FSD2: variants seen among roughly 807,000 people sequenced by gnomAD.
The protein encoded by FSD2 is fibronectin type III and SPRY domain-containing protein 2.
FSD2 carries 71 observed loss-of-function variants against 80.4 expected under a neutral mutation model. The observed-to-expected ratio is 0.88, with a 90% CI of 0.73 to 1.08. The LOEUF (loss-of-function observed/expected upper bound fraction) is 1.08, where lower values mean the gene tolerates loss of function less well. Ranked by LOEUF, FSD2 falls within the 50% of genes least tolerant of loss-of-function variation. The pLI, the probability that FSD2 is intolerant of heterozygous loss-of-function variation, is 0.00. For synonymous variants in FSD2, 361 were observed against 329.5 expected, an observed-to-expected ratio of 1.10 and a Z score of -1.03; for missense variants, 923 against 913.8, an observed-to-expected ratio of 1.01 and a Z score of -0.13.
rs539363162 is a variant in FSD2 at position 82,780,813 on chromosome 15, G to C, written c.967-546C>G. ...TTGGAAATTAGGAAAAAGTTAAAAA[G>C]CCCAGCTGTATCCCATACCGTAACA... On this transcript the variant is annotated intron_variant, in intron 4 of 12. Coordinates refer to ENST00000334574, the MANE Select transcript of FSD2 (RefSeq NM_001007122.4). Among the ~76,000 whole-genome samples the C allele has an allele frequency of 1.1e-4, 17 of 152,058 alleles. No homozygotes were observed. In the East Asian group the frequency reaches 3.3e-3, roughly 29 times the overall value.
At position 82,759,468 on chromosome 15, in the gene FSD2, A is replaced by T; in HGVS notation, c.2130T>A (p.His710Gln). ...GAAGCTGACAACTAAATGTATATAG[A>T]TGCTGAGAAAGGTCCACATTGAAAA... Reference protein sequence around the residue: ...LSFFNVDLSQHLYTFSCQLHE... With the variant: ...LSFFNVDLSQQLYTFSCQLHE... Residue 710 changes from histidine (H) to glutamine (Q), a missense_variant, in exon 13 of 13, where the codon CAT becomes CAA. By Grantham distance (24) the His-to-Gln change is conservative. Transcript: ENST00000334574. 6.2e-7 allele frequency: 1 copy of T among 1,613,590 alleles called. No individual in the cohort carries two copies. Among genetic ancestry groups the T allele is most frequent in the Non-Finnish European group, 8.5e-7 (1 of 1,179,710 alleles).
intron 6 of FSD2, among the ~76,000 whole-genome samples, chr15:82,775,184 G>A (rs1417152861): frequency 5.3e-5 from 8 of 151,168 alleles, no homozygotes; most frequent in South Asian, 2.1e-4. Context: ...GGGTCACGAG[G>A]TCAGGAGTTT....
intron 7 of FSD2, among the ~76,000 whole-genome samples, chr15:82,770,531 C>T (rs577762250): frequency 3.9e-5 from 6 of 152,186 alleles, no homozygotes; most frequent in African/African-American, 1.2e-4. Flanking sequence ...ATTAGCTGGG[C>T]GTGGTGGCAT....
chr15:82,771,961 G>A lies in FSD2; in HGVS notation c.1267+112C>T, dbSNP rs2049586778. The A allele has an allele frequency of 6.1e-6, 7 of 1,143,208 alleles. No individual in the cohort carries two copies. In the South Asian group the frequency reaches 1.2e-4, roughly 20 times the overall value. The allele number at this position is 1,143,208 out of a possible 1,614,324, so 70.8% of individuals were successfully genotyped here. A position where few individuals can be genotyped will look rare whatever the true frequency, so the allele number is the denominator to read the frequency against. Reference sequence around the variant, plus strand: ...CCTGCCTGCATCCAATCCTCTGCATGTCTAGACCCATCCTGTCTCTACCAT... The same window carrying A: ...CCTGCCTGCATCCAATCCTCTGCATATCTAGACCCATCCTGTCTCTACCAT... On this transcript the variant is annotated intron_variant, in intron 7 of 12. Transcript: ENST00000334574.
chr15:82,766,032 C>G lies in FSD2; in HGVS notation c.1554-1G>C, dbSNP rs1029303539. 1 of 1,579,984 alleles carries G rather than the reference C, an allele frequency of 6.3e-7. No homozygotes were observed. On this transcript the variant is annotated splice_acceptor_variant, in intron 9 of 12. Transcript: ENST00000334574. LOFTEE classifies it high-confidence loss of function. ...GCAGGTCGGGATGCCCACAACAGAC[C>G]TGTACAAGGAAGCAGAGCTGCAGTC...
chr15:82,800,868 T>C (rs1389956187), intron 1 of FSD2, among the ~76,000 whole-genome samples: 4 of 152,072 alleles, frequency 2.6e-5, no homozygotes, highest in Non-Finnish European at 4.4e-5. Flanking sequence ...CTCCAACCTA[T>C]AGTTACCCCT....
intron 11 of FSD2, among the ~76,000 whole-genome samples, chr15:82,764,682 T>G (rs2049371269): frequency 6.6e-6 from 1 of 151,974 alleles, no homozygotes; most frequent in African/African-American, 2.4e-5. Context: ...TTCAGCATGT[T>G]GACCAAGCTG....
chr15:82,765,140 G>C (rs749386603), intron 11 of FSD2, 26 bp downstream of exon 11: 8 of 1,569,858 alleles, frequency 5.1e-6, no homozygotes. Context: ...TTCACAGAAC[G>C]CCCTTGTGAG....
intron 1 of FSD2, among the ~76,000 whole-genome samples, chr15:82,795,200 CGTGT>C (rs2050236047): frequency 1.3e-5 from 2 of 152,032 alleles, no homozygotes; most frequent in African/African-American, 4.8e-5. Context: ...TTGAATCTAA[CGTGT>C]GTATCTTGTA....
In FSD2 at chr15:82,756,285, G is replaced by A. The variant is rs1429109795; in HGVS notation, c.*3063C>T. 5.1e-6 allele frequency: 1 copy of A among 197,102 alleles called. No homozygotes were observed. Among genetic ancestry groups the A allele is most frequent in the African/African-American group, 2.3e-5 (1 of 43,170 alleles). 12.2% of individuals were successfully genotyped at this position (197,102 alleles called of 1,614,324 possible). A position where few individuals can be genotyped will look rare whatever the true frequency, so the allele number is the denominator to read the frequency against. On this transcript the variant is annotated 3_prime_UTR_variant, in exon 13 of 13. Coordinates refer to ENST00000334574, the MANE Select transcript of FSD2 (RefSeq NM_001007122.4). ...TGAACCGCCTTGCATCAAGACCAAT[G>A]TAGTCTTATTTACAGAATGCCACAT...
chr15:82,783,324 C>T (rs1364059088), intron 3 of FSD2, among the ~76,000 whole-genome samples: 1 of 152,140 alleles, frequency 6.6e-6, no homozygotes, highest in East Asian at 1.9e-4. Flanking sequence ...GTCTTGAACT[C>T]CTGACCTCAA....
At position 82,759,471 on chromosome 15, in the gene FSD2, C is replaced by T; in HGVS notation, c.2127G>A (p.Gln709=). 1 of 1,613,504 alleles carries T rather than the reference C, an allele frequency of 6.2e-7. No homozygotes were observed. Among genetic ancestry groups the T allele is most frequent in the Non-Finnish European group, 8.5e-7 (1 of 1,179,652 alleles). Residue 709 remains glutamine, a synonymous_variant, in exon 13 of 13, where the codon CAG becomes CAA. Transcript: ENST00000334574. ...KLSFFNVDLS[Q]HLYTFSCQLH... ...GCTGACAACTAAATGTATATAGATG[C>T]TGAGAAAGGTCCACATTGAAAAATG... is the stretch of plus-strand genomic sequence containing the variant.
In FSD2 at chr15:82,794,561, CT is replaced by C. The variant is rs1325027944; in HGVS notation, c.-78-7094del. Among the ~76,000 whole-genome samples the C allele has an allele frequency of 7.9e-5, 12 of 152,260 alleles. No individual in the cohort carries two copies. In the East Asian group the frequency reaches 2.3e-3, roughly 29 times the overall value. On this transcript the variant is annotated intron_variant, in intron 1 of 12. Coordinates refer to ENST00000334574, the MANE Select transcript of FSD2 (RefSeq NM_001007122.4). ...CTTGTTGATCTTCTGCTTAGTCATT[CT>C]ATCCATTACTGAAAGCAGAGTATTG...
intron 9 of FSD2, among the ~76,000 whole-genome samples, chr15:82,767,245 TA>T (rs1246967012): frequency 1.3e-5 from 2 of 152,134 alleles, no homozygotes; most frequent in Non-Finnish European, 2.9e-5. Flanking sequence ...TAGTGTGCTG[TA>T]GTGTATAATG....
At chr15:82,799,465 C>T (rs1184940916) in intron 1 of FSD2, among the ~76,000 whole-genome samples, 2 of 152,208 alleles carry the variant, frequency 1.3e-5, no homozygotes, top group Non-Finnish European at 2.9e-5. Context: ...CTCACAGCTT[C>T]TATGTCCCCG....
intron 6 of FSD2, among the ~76,000 whole-genome samples, chr15:82,778,308 T>C (rs879908594): frequency 6.6e-6 from 1 of 151,712 alleles, no homozygotes; most frequent in African/African-American, 2.4e-5. Context: ...AATAGATGGA[T>C]GGATTTTAAA....
chr15:82,803,539 T>C (rs1472570390), intron 1 of FSD2, among the ~76,000 whole-genome samples: 1 of 152,062 alleles, frequency 6.6e-6, no homozygotes, highest in African/African-American at 2.4e-5. Context: ...TGGCTCAGAC[T>C]GTCCTGCCTG....
chr15:82,782,205 C>A (rs4779062), intron 4 of FSD2, among the ~76,000 whole-genome samples: 1 of 150,232 alleles, frequency 6.7e-6, no homozygotes, highest in Non-Finnish European at 1.5e-5. Context: ...ACCATCCTGG[C>A]TAACACAGTG....
At chr15:82,778,644 T>C in intron 6 of FSD2, 122 bp downstream of exon 6, 1 of 1,088,592 alleles carries the variant, frequency 9.2e-7, no homozygotes, top group Admixed American at 2.8e-5. Flanking sequence ...TTTAACAATA[T>C]TGTATTGTAC....
Sources: allele counts gnomAD v4.1 joint callset (sites outside exome capture counted in the v4.1 genomes callset), GRCh38; gene constraint gnomAD v4.1.1; transcripts MANE v1.5; gene names NCBI Gene and HGNC (gene_info 2026-07-23, HGNC 2026-07-21).